ANKFN1: variants seen among roughly 807,000 people sequenced by gnomAD.
ANKFN1 encodes ankyrin repeat and fibronectin type III domain containing 1.
Under a neutral mutation model 108.7 loss-of-function variants are expected in ANKFN1, and 74 were observed. That is an observed-to-expected ratio of 0.68 (90% CI 0.56 to 0.83). ANKFN1 has a LOEUF of 0.83. Among genes scored for constraint, ANKFN1 ranks in the 40% least tolerant of loss-of-function variants. ANKFN1 has a pLI of 0.00. For synonymous variants in ANKFN1, 547 were observed against 516.2 expected, an observed-to-expected ratio of 1.06 and a Z score of -0.81; for missense variants, 1,505 against 1,382.3, an observed-to-expected ratio of 1.09 and a Z score of -1.41.
chr17:56,460,962 C>T (rs987160658), intron 14 of ANKFN1, among the ~76,000 whole-genome samples: 1 of 152,158 alleles, frequency 6.6e-6, no homozygotes, highest in Non-Finnish European at 1.5e-5. Flanking sequence ...TACAAAACTG[C>T]TCTTTAAGGG....
intron 8 of ANKFN1, among the ~76,000 whole-genome samples, chr17:56,434,364 G>A (rs1266377549): frequency 7.6e-6 from 1 of 131,804 alleles, no homozygotes; most frequent in Non-Finnish European, 1.6e-5. Context: ...GATGCAAGAA[G>A]GCTTTTCTAG....
chr17:56,172,007 A>C (rs1910734875), intron 1 of ANKFN1, among the ~76,000 whole-genome samples: 1 of 152,192 alleles, frequency 6.6e-6, no homozygotes, highest in African/African-American at 2.4e-5. Flanking sequence ...CAATAATAAT[A>C]ATAGCAAAAA....
intron 1 of ANKFN1, among the ~76,000 whole-genome samples, 53 bp from the exon 2 acceptor site, chr17:56,212,545 C>T (rs75747720): frequency 0.09 from 13,668 of 151,990 alleles, 689 homozygotes; most frequent in South Asian, 0.14. Flanking sequence ...AGGGTGATAC[C>T]GGTTTCATAC....
intron 4 of ANKFN1, chr17:56,046,439 A>G (rs955183845): frequency 3.9e-5 from 6 of 152,304 alleles, no homozygotes; most frequent in Admixed American, 3.9e-4. Flanking sequence ...TAACAAGTGC[A>G]TTTGAAATCT....
chr17:56,410,562 A>G (rs145848158), intron 8 of ANKFN1, among the ~76,000 whole-genome samples: 3 of 152,274 alleles, frequency 2.0e-5, no homozygotes, highest in Non-Finnish European at 2.9e-5. Flanking sequence ...TTCTTTTAGC[A>G]ATTTTGAAAT....
chr17:56,262,566 T>G (rs1414374678), intron 3 of ANKFN1, among the ~76,000 whole-genome samples: 1 of 152,220 alleles, frequency 6.6e-6, no homozygotes, highest in Non-Finnish European at 1.5e-5. Flanking sequence ...TATTCCTGCA[T>G]GTTTTTTTAT....
rs1312439172 is a variant in ANKFN1, at chr17:56,440,433, C to T, written c.1008+9C>T. The T allele has an allele frequency of 1.1e-5, 17 of 1,592,908 alleles. No homozygotes were observed. The Admixed American group carries it at 2.7e-4, about 25-fold the overall frequency. ...TCACAGGACTTACAATGGTAAATGT[C>T]CCCAGTAGACTTTTCATTTCCCTAT... is the stretch of plus-strand genomic sequence containing the variant. On this transcript the variant is annotated intron_variant, in intron 9 of 20. Transcript: ENST00000682825.
At chr17:56,050,444 G>A (rs1904755340) in intron 4 of ANKFN1, among the ~76,000 whole-genome samples, 1 of 130,012 alleles carries the variant, frequency 7.7e-6, no homozygotes, top group African/African-American at 3.0e-5. Flanking sequence ...TGCTTTTGGT[G>A]TTTTGGACAT....
chr17:56,389,615 G>A (rs1292013160), intron 8 of ANKFN1, among the ~76,000 whole-genome samples: 1 of 152,204 alleles, frequency 6.6e-6, no homozygotes, highest in Non-Finnish European at 1.5e-5. Context: ...ACTTGTGGAA[G>A]TGTATCTGGT....
chr17:56,387,207 C>G (rs2047301193), intron 8 of ANKFN1, among the ~76,000 whole-genome samples: 1 of 151,706 alleles, frequency 6.6e-6, no homozygotes, highest in African/African-American at 2.4e-5. Context: ...TTTATTGTTT[C>G]CTTACTAGTT....
intron 15 of ANKFN1, among the ~76,000 whole-genome samples, chr17:56,470,399 C>T (rs1261907384): frequency 6.6e-6 from 1 of 152,094 alleles, no homozygotes; most frequent in Non-Finnish European, 1.5e-5. Flanking sequence ...TTTACATTTC[C>T]ACCAACACTG....
intron 15 of ANKFN1, among the ~76,000 whole-genome samples, chr17:56,467,737 A>T (rs1270431853): frequency 1.9e-5 from 2 of 106,550 alleles, no homozygotes; most frequent in African/African-American, 8.9e-5. Context: ...GAGAGAAAGA[A>T]AGAAACAAAG....
intron 4 of ANKFN1, among the ~76,000 whole-genome samples, chr17:56,343,698 C>T (rs1433392886): frequency 6.6e-6 from 1 of 151,736 alleles, no homozygotes; most frequent in African/African-American, 2.4e-5. Context: ...TCCTGGGACT[C>T]CTATTATTTG....
intron 1 of ANKFN1, among the ~76,000 whole-genome samples, chr17:56,167,261 GTATA>G (rs1431986196): frequency 1.3e-5 from 1 of 74,720 alleles, no homozygotes; most frequent in African/African-American, 4.4e-5. Flanking sequence ...GTATGTGTGT[GTATA>G]TATATATACA....
intron 8 of ANKFN1, among the ~76,000 whole-genome samples, chr17:56,378,198 T>C (rs1465445351): frequency 6.6e-6 from 1 of 152,206 alleles, no homozygotes; most frequent in Admixed American, 6.5e-5. Flanking sequence ...ACCTTCAGTT[T>C]CTTTCTCAGG....
chr17:56,293,265 C>A (rs991821239), intron 3 of ANKFN1, among the ~76,000 whole-genome samples: 1 of 152,186 alleles, frequency 6.6e-6, no homozygotes, highest in African/African-American at 2.4e-5. Flanking sequence ...ATGCCAGGCA[C>A]CATGTTAGGC....
Position 56,480,725 on chromosome 17 carries a change from T to A in ANKFN1, c.1998T>A (p.Asp666Glu), listed in dbSNP as rs749440920. The part of the protein sequence containing the change: ...LSGSESMESV[D>E]HTSDCPMQLF... ...GCTCTGAATCTATGGAAAGTGTGGA[T>A]CATACTTCTGACTGCCCCATGCAAT... Residue 666 changes from aspartate (D) to glutamate (E), a missense_variant, in exon 17 of 21, where the codon GAT becomes GAA. Physicochemically the swap from Asp to Glu is conservative, Grantham distance 45. Coordinates refer to ENST00000682825, the MANE Select transcript of ANKFN1 (RefSeq NM_001370326.1). 1.6e-5 allele frequency: 26 copies of A among 1,614,024 alleles called. No individual in the cohort carries two copies. The South Asian group carries it at 2.6e-4, about 16-fold the overall frequency.
At chr17:56,329,023 A>C (rs1011719068) in intron 4 of ANKFN1, among the ~76,000 whole-genome samples, 1 of 152,092 alleles carries the variant, frequency 6.6e-6, no homozygotes, top group Admixed American at 6.6e-5. Context: ...GTTGTCCCCC[A>C]CCACTGTTCC....
chr17:56,107,438 C>T (rs192292593), intron 4 of ANKFN1, among the ~76,000 whole-genome samples: 1 of 152,114 alleles, frequency 6.6e-6, no homozygotes, highest in African/African-American at 2.4e-5. Flanking sequence ...AATGACAGGT[C>T]AGGTAAGGTG....
Sources: gnomAD v4.1 joint callset for allele counts (sites outside exome capture counted in the v4.1 genomes callset) on GRCh38, gnomAD v4.1.1 for gene constraint, MANE v1.5 for transcripts, NCBI Gene and HGNC (gene_info 2026-07-23, HGNC 2026-07-21) for gene names.